Variants in ZFHX3 observed in about 807,000 individuals in gnomAD.
The protein encoded by ZFHX3 is zinc finger homeobox protein 3.
In ZFHX3, 42 loss-of-function variants were observed where a neutral mutation model predicts 279.1. The observed-to-expected ratio is 0.15, with a 90% CI of 0.12 to 0.19. The LOEUF (loss-of-function observed/expected upper bound fraction) is 0.19, where lower values mean the gene tolerates loss of function less well. ZFHX3 is among the 10% of genes least tolerant of loss of function. The pLI is 1.00. For synonymous variants in ZFHX3, 2,293 were observed against 1,957.8 expected, an observed-to-expected ratio of 1.17 and a Z score of -4.52; for missense variants, 4,981 against 4,754.0, an observed-to-expected ratio of 1.05 and a Z score of -1.40.
At chr16:73,769,263 G>T (rs766110908) in intron 1 of ZFHX3, among the ~76,000 whole-genome samples, 17 of 152,074 alleles carry the variant, frequency 1.1e-4, no homozygotes, top group African/African-American at 3.6e-4. Flanking sequence ...CACATATGGT[G>T]CCCCCTCTGA....
rs143812289 is a variant in ZFHX3, at chr16:73,139,330, A to C, written c.-1024+4422T>G. ...TACATACTATGATACCACTGGCACG[A>C]AATAAAACATATGTATATGTGCATG... is the stretch of plus-strand genomic sequence containing the variant. On this transcript the variant is annotated intron_variant, in intron 6 of 17. Coordinates refer to the ZFHX3 transcript ENST00000641206. 2.3e-3 allele frequency among the ~76,000 whole-genome samples: 353 copies of C among 152,306 alleles called. 3 individuals are homozygous for C. The highest frequency in any genetic ancestry group is 7.8e-3 in the African/African-American group (326 of 41,568).
At chr16:73,739,869 G>A (rs188644838) in intron 1 of ZFHX3, among the ~76,000 whole-genome samples, 2 of 152,260 alleles carry the variant, frequency 1.3e-5, no homozygotes, top group Admixed American at 6.5e-5. Flanking sequence ...CAAGGCATGA[G>A]GAAAACAGTA....
At chr16:73,325,906 C>T (rs1004263851) in intron 3 of ZFHX3, among the ~76,000 whole-genome samples, 9 of 110,768 alleles carry the variant, frequency 8.1e-5, no homozygotes, top group Admixed American at 7.5e-4. Context: ...CACACAAACA[C>T]ACACACACAC....
intron 4 of ZFHX3, among the ~76,000 whole-genome samples, chr16:72,842,597 T>C (rs1262087494): frequency 6.6e-6 from 1 of 152,152 alleles, no homozygotes; most frequent in Non-Finnish European, 1.5e-5. Flanking sequence ...AAGTAAGTGA[T>C]TCTTCACTTA....
chr16:73,777,150 T>C (rs1324491488), intron 1 of ZFHX3, among the ~76,000 whole-genome samples: 2 of 152,174 alleles, frequency 1.3e-5, no homozygotes, highest in South Asian at 2.1e-4. Flanking sequence ...CTTTCTCATA[T>C]GTGCAGGGCA....
chr16:73,505,648 C>A (rs1246023716), intron 2 of ZFHX3, among the ~76,000 whole-genome samples: 1 of 152,084 alleles, frequency 6.6e-6, no homozygotes, highest in Non-Finnish European at 1.5e-5. Context: ...CTAAAGGAGC[C>A]GACACTTAAT....
At chr16:73,608,438 G>A (rs1345107968) in intron 2 of ZFHX3, among the ~76,000 whole-genome samples, 2 of 152,150 alleles carry the variant, frequency 1.3e-5, no homozygotes, top group African/African-American at 4.8e-5. Flanking sequence ...TGCTTTGAAG[G>A]AACAGATTAC....
At position 72,787,980 on chromosome 16, in the gene ZFHX3, G is replaced by T. The variant is rs760982015; in HGVS notation, c.10296C>A (p.Ser3432=). ...EEQKNTPREV[S]PLLPKLPEEP... is the part of the protein sequence containing the mutation. ...CTTCAGGGAGTTTCGGCAGGAGGGG[G>T]GACACCTCACGGGGGGTGTTTTTCT... The change falls in exon 10 of 10, where the codon TCC becomes TCA. Residue 3432 remains serine (S), a synonymous_variant. Coordinates refer to ENST00000268489, the MANE Select transcript of ZFHX3 (RefSeq NM_006885.4). 6.2e-7 allele frequency: 1 copy of T among 1,613,506 alleles called. No individual in the cohort carries two copies. Among genetic ancestry groups the T allele is most frequent in the Non-Finnish European group, 8.5e-7 (1 of 1,179,914 alleles).
At chr16:72,966,264 A>G (rs1467497624) in intron 1 of ZFHX3, among the ~76,000 whole-genome samples, 2 of 152,230 alleles carry the variant, frequency 1.3e-5, no homozygotes, top group Admixed American at 6.5e-5. Context: ...GACTGAGGAA[A>G]AAAATCTCCA....
At chr16:73,872,293 G>A (rs1350109686) in intron 1 of ZFHX3, among the ~76,000 whole-genome samples, 6 of 151,884 alleles carry the variant, frequency 4.0e-5, no homozygotes, top group Admixed American at 3.9e-4. Context: ...CCAGGCTGGA[G>A]CACAGTGGCG....
intron 1 of ZFHX3, among the ~76,000 whole-genome samples, chr16:73,869,284 C>A (rs1962105660): frequency 6.6e-6 from 1 of 152,156 alleles, no homozygotes; most frequent in Admixed American, 6.5e-5. Context: ...ACAGCCCCGA[C>A]CACCCAAATC....
intron 3 of ZFHX3, among the ~76,000 whole-genome samples, chr16:73,410,603 C>A (rs925093094): frequency 2.0e-5 from 3 of 152,152 alleles, no homozygotes; most frequent in Admixed American, 2.0e-4. Flanking sequence ...TGTGTATCCA[C>A]AATTAAGAAA....
At chr16:73,615,722 T>C (rs573532335) in intron 2 of ZFHX3, among the ~76,000 whole-genome samples, 18 of 152,266 alleles carry the variant, frequency 1.2e-4, no homozygotes, top group African/African-American at 4.3e-4. Flanking sequence ...AGACGTAATT[T>C]TATGCTGCTG....
chr16:72,889,912 G>C lies in ZFHX3; in HGVS notation c.3267C>G (p.His1089Gln), dbSNP rs755431583. ...TGGTGGAGTAGTTGCACAGAACGCA[G>C]TGGTAGTAGCAGCTCTCACCTTCTA... is the stretch of plus-strand genomic sequence containing the variant. ...SGVEGESCYY[H>Q]CVLCNYSTKA... Residue 1089 changes from histidine (H) to glutamine (Q), a missense_variant, in exon 4 of 10, where the codon CAC becomes CAG. This residue lies in a region of ZFHX3 where 1,751 missense variants were observed against 1,770.0 expected (regional missense o/e 0.99). Coordinates refer to ENST00000268489, the MANE Select transcript of ZFHX3 (RefSeq NM_006885.4). 5 of 1,614,180 alleles carry C rather than the reference G, an allele frequency of 3.1e-6. No individual in the cohort carries two copies. The highest frequency in any genetic ancestry group is 3.4e-6 in the Non-Finnish European group (4 of 1,180,044).
chr16:73,162,345 C>T (rs1967259421), intron 5 of ZFHX3, among the ~76,000 whole-genome samples: 1 of 152,218 alleles, frequency 6.6e-6, no homozygotes, highest in Non-Finnish European at 1.5e-5. Flanking sequence ...GAATCTAATG[C>T]CCAATGATCT....
At chr16:73,562,633 C>G in intron 2 of ZFHX3, among the ~76,000 whole-genome samples, 1 of 149,000 alleles carries the variant, frequency 6.7e-6, no homozygotes, top group Admixed American at 6.7e-5. Flanking sequence ...TGAAAAGCCT[C>G]TCTTCATTCA....
intron 1 of ZFHX3, among the ~76,000 whole-genome samples, chr16:72,966,963 G>A (rs1374890643): frequency 6.6e-6 from 1 of 152,178 alleles, no homozygotes; most frequent in Non-Finnish European, 1.5e-5. Flanking sequence ...GCTGTATCAG[G>A]CAGCCTATGA....
At chr16:73,506,693 T>G (rs1271597710) in intron 2 of ZFHX3, among the ~76,000 whole-genome samples, 1 of 152,104 alleles carries the variant, frequency 6.6e-6, no homozygotes, top group Non-Finnish European at 1.5e-5. Flanking sequence ...TCTGCTTAGG[T>G]GCAATTTTAC....
chr16:72,949,025 C>T (rs943284536), intron 3 of ZFHX3, among the ~76,000 whole-genome samples: 5 of 152,196 alleles, frequency 3.3e-5, no homozygotes, highest in African/African-American at 4.8e-5. Context: ...ACAGTCAGTT[C>T]CAGAACATTC....
Sources: gnomAD v4.1 joint callset for allele counts (sites outside exome capture counted in the v4.1 genomes callset) on GRCh38, gnomAD v4.1.1 for gene constraint, gnomAD v4.1.1 regional missense constraint, MANE v1.5 for transcripts, NCBI Gene and HGNC (gene_info 2026-07-23, HGNC 2026-07-21) for gene names.